The following FXR1 variants were observed in gnomAD, a reference collection of about 807,000 sequenced individuals.
FXR1 encodes RNA-binding protein FXR1.
In FXR1, 15 loss-of-function variants were observed where a neutral mutation model predicts 84.0. The observed-to-expected ratio is 0.18, with a 90% CI of 0.12 to 0.27. The LOEUF (loss-of-function observed/expected upper bound fraction) is 0.27. Ranked by LOEUF, FXR1 falls within the 10% of genes least tolerant of loss-of-function variation. The probability of loss-of-function intolerance (pLI) is 1.00; values close to 1 mark genes in which losing one functional copy is unlikely to be tolerated. For missense variants in FXR1, 480 were observed against 774.4 expected, an observed-to-expected ratio of 0.62 and a Z score of 4.51; for synonymous variants, 245 against 250.7, an observed-to-expected ratio of 0.98 and a Z score of 0.21.
intron 1 of FXR1, among the ~76,000 whole-genome samples, chr3:180,925,405 T>TCTGTTGTC (rs1488379727): frequency 5.9e-5 from 9 of 152,040 alleles, no homozygotes; most frequent in Non-Finnish European, 8.8e-5. Flanking sequence ...CAGGATTTTC[T>TCTGTTGTC]TCCAGTAATT....
At chr3:180,939,607 A>G (rs1179451024) in intron 3 of FXR1, among the ~76,000 whole-genome samples, 5 of 152,272 alleles carry the variant, frequency 3.3e-5, no homozygotes, top group Admixed American at 2.0e-4. Context: ...CTACCATCAT[A>G]CTTTTTAAAC....
At chr3:180,914,320 CTA>C (rs1206956910) in intron 1 of FXR1, among the ~76,000 whole-genome samples, 1 of 152,094 alleles carries the variant, frequency 6.6e-6, no homozygotes, top group African/African-American at 2.4e-5. Flanking sequence ...ATAGACTTAT[CTA>C]TGTTTTTCCT....
intron 10 of FXR1, among the ~76,000 whole-genome samples, chr3:180,958,800 T>A (rs1313749577): frequency 1.3e-5 from 2 of 151,566 alleles, no homozygotes; most frequent in African/African-American, 4.9e-5. Context: ...TCTGAAAGTA[T>A]TGACTTTTTT....
intron 15 of FXR1, among the ~76,000 whole-genome samples, chr3:180,974,300 A>T (rs1236785561): frequency 6.6e-6 from 1 of 152,030 alleles, no homozygotes; most frequent in Non-Finnish European, 1.5e-5. Flanking sequence ...CTGGAATTAC[A>T]GGCTGTGTCA....
In FXR1 at chr3:180,930,261, C is replaced by CA. The variant is rs1196733195; in HGVS notation, c.52-3061dup. Among the ~76,000 whole-genome samples the CA allele has an allele frequency of 5.3e-3, 666 of 124,956 alleles. 8 individuals carry two copies. Among genetic ancestry groups the CA allele is most frequent in the African/African-American group, 0.015 (487 of 33,506 alleles). The allele number at this position is 124,956 out of a possible 152,430, so 82.0% of individuals were successfully genotyped here. ...CTGGCAACAGAGTGAGACTCCATCT[C>CA]AAAAAAAAAAAAGAAAGTAGTTGTA... is the stretch of plus-strand genomic sequence containing the variant. On this transcript the variant is annotated intron_variant, in intron 1 of 16. Coordinates refer to ENST00000357559, the MANE Select transcript of FXR1 (RefSeq NM_005087.4).
At chr3:180,922,108 A>T (rs1055708418) in intron 1 of FXR1, among the ~76,000 whole-genome samples, 1 of 152,202 alleles carries the variant, frequency 6.6e-6, no homozygotes, top group Non-Finnish European at 1.5e-5. Context: ...TCCCCAGTTA[A>T]TAGACATACA....
chr3:180,942,377 C>CAAAAAAAAAAAAAAAAAAAAA (rs765066164), intron 3 of FXR1, among the ~76,000 whole-genome samples: 1 of 31,128 alleles, frequency 3.2e-5, no homozygotes, highest in African/African-American at 1.1e-4. Context: ...GACTCCGTCT[C>CAAAAAAAAAAAAAAAAAAAAA]AAAAAAAAAA....
intron 15 of FXR1, among the ~76,000 whole-genome samples, chr3:180,973,860 A>G (rs1713889600): frequency 6.6e-6 from 1 of 152,170 alleles, no homozygotes; most frequent in African/African-American, 2.4e-5. Context: ...TTCATAATTA[A>G]GAAACGTGAA....
chr3:180,975,353 C>A lies in FXR1; in HGVS notation c.1644C>A (p.Ser548Arg). 1.3e-6 allele frequency: 2 copies of A among 1,551,720 alleles called. No homozygotes were observed. Among genetic ancestry groups the A allele is most frequent in the Non-Finnish European group, 1.8e-6 (2 of 1,132,314 alleles). Residue 548 changes from serine (S) to arginine (R), a missense_variant, in exon 16 of 17, where the codon AGC becomes AGA. By Grantham distance (110) the Ser-to-Arg change is moderately radical. Transcript: ENST00000357559. ...ATATTTCTAGAGCTGAGTCTCAGAGCAGACAAAGAAACCTCCCAAGGGAAA... is the reference window on the plus strand; with the variant it reads ...ATATTTCTAGAGCTGAGTCTCAGAGAAGACAAAGAAACCTCCCAAGGGAAA... ...ADYISRAESQ[S>R]RQRNLPRETL...
chr3:180,927,737 T>C, intron 1 of FXR1: 1 of 443,718 alleles, frequency 2.3e-6, no homozygotes, highest in Non-Finnish European at 4.0e-6. Flanking sequence ...AAAGCGAAGT[T>C]CAGAACAAAT....
intron 1 of FXR1, among the ~76,000 whole-genome samples, chr3:180,914,184 T>C (rs1171365335): frequency 1.3e-5 from 2 of 152,230 alleles, no homozygotes; most frequent in African/African-American, 4.8e-5. Flanking sequence ...TAAGACTTGA[T>C]GTCAGACCAA....
chr3:180,941,502 A>G (rs1721114772), intron 3 of FXR1, among the ~76,000 whole-genome samples: 1 of 152,196 alleles, frequency 6.6e-6, no homozygotes, highest in Non-Finnish European at 1.5e-5. Context: ...TTATTTATAT[A>G]AAAGATATAC....
chr3:180,951,407 T>C lies in FXR1; in HGVS notation c.740T>C (p.Val247Ala). The C allele has an allele frequency of 6.2e-7, 1 of 1,612,894 alleles. No homozygotes were observed. Among genetic ancestry groups the C allele is most frequent in the Non-Finnish European group, 8.5e-7 (1 of 1,178,918 alleles). ...HGSNIQQARK[V>A]PGVTAIELDE... is the part of the protein sequence containing the mutation. ...AGTAACATCCAGCAAGCTAGGAAGG[T>C]TCCTGGAGTTACCGCCATTGAGCTA... Residue 247 changes from valine to alanine, a missense_variant, in exon 8 of 17, where the codon GTT (valine) becomes GCT (alanine). Physicochemically the swap from Val to Ala is moderately conservative, Grantham distance 64. Transcript: ENST00000357559.
At position 180,982,335 on chromosome 3, in the gene FXR1, T is replaced by C. The variant is rs1236269309; in HGVS notation, c.*6043T>C. 7.1e-6 allele frequency: 1 copy of C among 141,236 alleles called. No individual in the cohort carries two copies. Among genetic ancestry groups the C allele is most frequent in the Non-Finnish European group, 1.6e-5 (1 of 64,344 alleles). 8.7% of individuals were successfully genotyped at this position (141,236 alleles called of 1,614,324 possible). A position where few individuals can be genotyped will look rare whatever the true frequency, so the allele number is the denominator to read the frequency against. On this transcript the variant is annotated 3_prime_UTR_variant, in exon 17 of 17. Transcript: ENST00000357559. ...ATGGATCGTATTTGTATCAATCACCTACATGATCTAGAGCCCTCACATGGA... is the reference window on the plus strand; with the variant it reads ...ATGGATCGTATTTGTATCAATCACCCACATGATCTAGAGCCCTCACATGGA...
At chr3:180,938,343 A>T (rs930689262) in intron 3 of FXR1, among the ~76,000 whole-genome samples, 1 of 152,300 alleles carries the variant, frequency 6.6e-6, no homozygotes, top group African/African-American at 2.4e-5. Context: ...ACTGTATTAT[A>T]TTGTTCATAT....
intron 1 of FXR1, among the ~76,000 whole-genome samples, chr3:180,931,383 T>TAAATTTTCTAAA (rs2108441000): frequency 6.6e-6 from 1 of 152,180 alleles, no homozygotes; most frequent in African/African-American, 2.4e-5. Flanking sequence ...CACATCTGGC[T>TAAATTTTCTAAA]AATTTTTGCA....
At chr3:180,970,938 AGTAAACATTT>A (rs1289684660) in intron 15 of FXR1, 8 of 240,262 alleles carry the variant, frequency 3.3e-5, no homozygotes, top group South Asian at 8.6e-5. Flanking sequence ...ATTTCCTGTC[AGTAAACATTT>A]GTTGTTTTAT....
At chr3:180,954,566 A>G (rs562937361) in intron 9 of FXR1, among the ~76,000 whole-genome samples, 12 of 152,248 alleles carry the variant, frequency 7.9e-5, no homozygotes, top group African/African-American at 2.9e-4. Context: ...GCAATTGGGA[A>G]GGCTTTGGTT....
intron 15 of FXR1, among the ~76,000 whole-genome samples, chr3:180,974,061 CAG>C (rs1376175395): frequency 1.3e-5 from 2 of 151,816 alleles, no homozygotes; most frequent in East Asian, 3.9e-4. Context: ...TTTTACATAT[CAG>C]GGATTTTCTG....
Sources: allele counts gnomAD v4.1 joint callset (sites outside exome capture counted in the v4.1 genomes callset), GRCh38; gene constraint gnomAD v4.1.1; transcripts MANE v1.5; gene names NCBI Gene and HGNC (gene_info 2026-07-23, HGNC 2026-07-21).